The following TRHDE variants were observed in gnomAD, a reference collection of about 807,000 sequenced individuals.
TRHDE encodes the protein thyrotropin releasing hormone degrading enzyme.
In TRHDE, 72 loss-of-function variants were observed where a neutral mutation model predicts 125.7. That is an observed-to-expected ratio of 0.57 (90% CI 0.47 to 0.70). TRHDE has a LOEUF of 0.70. Among genes scored for constraint, TRHDE ranks in the 30% least tolerant of loss-of-function variants. TRHDE has a pLI of 0.00. For synonymous variants in TRHDE, 509 were observed against 509.1 expected (o/e 1.00, Z 0.00); for missense variants, 1,110 against 1,327.1 (o/e 0.84, Z 2.54).
chr12:72,181,456 T>C (rs926146565), intron 2 of TRHDE, among the ~76,000 whole-genome samples: 7 of 152,170 alleles, frequency 4.6e-5, no homozygotes, highest in African/African-American at 7.2e-5. Context: ...GGCCCTGGGC[T>C]AACCAAACCA....
chr12:72,382,813 T>C (rs1872244484), intron 3 of TRHDE, among the ~76,000 whole-genome samples: 1 of 152,184 alleles, frequency 6.6e-6, no homozygotes, highest in African/African-American at 2.4e-5. Context: ...TACAATACCT[T>C]CTTTCTCCCT....
chr12:72,314,280 TTTC>T (rs1229456146), intron 2 of TRHDE, among the ~76,000 whole-genome samples: 5 of 82,568 alleles, frequency 6.1e-5, no homozygotes, highest in African/African-American at 1.2e-4. Context: ...CTCTTTCTCT[TTTC>T]TTTTCTTTTC....
chr12:72,211,934 T>C (rs1219544562), intron 2 of TRHDE, among the ~76,000 whole-genome samples: 4 of 150,462 alleles, frequency 2.7e-5, no homozygotes, highest in Admixed American at 1.3e-4. Flanking sequence ...GATCTGCAAA[T>C]ATGTTTACAA....
chr12:72,347,267 G>A (rs1490159570), intron 2 of TRHDE, among the ~76,000 whole-genome samples: 2 of 152,098 alleles, frequency 1.3e-5, no homozygotes, highest in African/African-American at 4.8e-5. Context: ...GAAAGATGCT[G>A]TGGTCCTGGA....
intron 1 of TRHDE, among the ~76,000 whole-genome samples, chr12:72,105,218 G>A (rs1468349705): frequency 6.6e-6 from 1 of 152,186 alleles, no homozygotes; most frequent in African/African-American, 2.4e-5. Context: ...TGAACAGTCT[G>A]CATTAAAGCT....
chr12:72,615,056 G>A (rs1872765856), intron 12 of TRHDE, among the ~76,000 whole-genome samples: 1 of 152,152 alleles, frequency 6.6e-6, no homozygotes, highest in Admixed American at 6.6e-5. Flanking sequence ...GGGAGGAGCA[G>A]CTGTCTAGCT....
chr12:72,433,595 A>C (rs1874597004), intron 3 of TRHDE, among the ~76,000 whole-genome samples: 1 of 152,114 alleles, frequency 6.6e-6, no homozygotes, highest in Non-Finnish European at 1.5e-5. Context: ...TGAAAATTTA[A>C]TCTAGGGATT....
At chr12:72,655,176 G>T (rs1874659883) in intron 17 of TRHDE, among the ~76,000 whole-genome samples, 1 of 152,042 alleles carries the variant, frequency 6.6e-6, no homozygotes, top group African/African-American at 2.4e-5. Flanking sequence ...GAGTTCAGGT[G>T]ATCCTTCCAC....
At chr12:72,181,318 C>T (rs1877092389) in intron 2 of TRHDE, among the ~76,000 whole-genome samples, 1 of 152,046 alleles carries the variant, frequency 6.6e-6, no homozygotes, top group East Asian at 1.9e-4. Context: ...TACTGACCTC[C>T]GGGCTTAATG....
At position 72,664,803 on chromosome 12, in the gene TRHDE, G is replaced by C. The variant is rs1175314440; in HGVS notation, c.*1608G>C. 6.6e-6 allele frequency: 1 copy of C among 151,988 alleles called. No homozygotes were observed. The highest frequency in any genetic ancestry group is 1.9e-4 in the East Asian group (1 of 5,174). The allele number at this position is 151,988 out of a possible 1,614,324, so 9.4% of individuals were successfully genotyped here. A position where few individuals can be genotyped will look rare whatever the true frequency, so the allele number is the denominator to read the frequency against. On this transcript the variant is annotated 3_prime_UTR_variant, in exon 19 of 19. Transcript: ENST00000261180. ...AGACATTTTAAGAACCAGAGCCATA[G>C]AATTATTTTAAATTAGTAGAAAAGA...
chr12:72,452,176 T>C (rs949081126), intron 3 of TRHDE, among the ~76,000 whole-genome samples: 2 of 142,248 alleles, frequency 1.4e-5, no homozygotes, highest in Admixed American at 1.4e-4. Flanking sequence ...TTATTGGTTA[T>C]ATTTATTCCT....
At chr12:72,469,997 A>T (rs1262414779) in intron 4 of TRHDE, 85 bp downstream of exon 4, 1 of 1,369,546 alleles carries the variant, frequency 7.3e-7, no homozygotes, top group Non-Finnish European at 1.0e-6. Context: ...CTAAATTATT[A>T]TCCTCCCAAA....
chr12:72,333,365 GT>G (rs1310839938), intron 2 of TRHDE, among the ~76,000 whole-genome samples: 2 of 152,258 alleles, frequency 1.3e-5, no homozygotes, highest in Non-Finnish European at 2.9e-5. Flanking sequence ...TTTGAAGGTT[GT>G]CTGAATTGGA....
At chr12:72,438,170 A>G (rs894125663) in intron 3 of TRHDE, among the ~76,000 whole-genome samples, 1 of 151,706 alleles carries the variant, frequency 6.6e-6, no homozygotes, top group Non-Finnish European at 1.5e-5. Flanking sequence ...TTCTTTATCT[A>G]TTCATCTGTT....
chr12:72,194,757 G>A (rs552378711), intron 2 of TRHDE, among the ~76,000 whole-genome samples: 28 of 152,092 alleles, frequency 1.8e-4, no homozygotes, highest in African/African-American at 2.9e-4. Context: ...TATGTACCAC[G>A]TTTTCTTTAT....
At chr12:72,532,907 G>T (rs1198813531) in intron 6 of TRHDE, among the ~76,000 whole-genome samples, 1 of 151,422 alleles carries the variant, frequency 6.6e-6, no homozygotes, top group South Asian at 2.1e-4. Flanking sequence ...ATCATATGAA[G>T]GATATTGGAC....
intron 7 of TRHDE, among the ~76,000 whole-genome samples, chr12:72,550,425 A>G (rs1409796443): frequency 6.6e-6 from 1 of 151,958 alleles, no homozygotes. Context: ...TCCTTTTAAA[A>G]TTTATTTTTC....
At chr12:72,241,997 T>C (rs1396362415) in intron 2 of TRHDE, among the ~76,000 whole-genome samples, 1 of 152,230 alleles carries the variant, frequency 6.6e-6, no homozygotes, top group Non-Finnish European at 1.5e-5. Context: ...TTTTTAGAGT[T>C]ATTTTGTTAT....
intron 3 of TRHDE, among the ~76,000 whole-genome samples, chr12:72,393,893 T>C (rs1407645698): frequency 1.3e-5 from 2 of 152,166 alleles, no homozygotes; most frequent in Non-Finnish European, 2.9e-5. Context: ...AAAAATATAG[T>C]GGACTCATGG....
Sources: allele counts gnomAD v4.1 joint callset (sites outside exome capture counted in the v4.1 genomes callset), GRCh38; gene constraint gnomAD v4.1.1; transcripts MANE v1.5; gene names NCBI Gene and HGNC (gene_info 2026-07-23, HGNC 2026-07-21).